Variants in SPTLC2 observed in about 807,000 individuals in gnomAD.
SPTLC2 encodes the protein serine palmitoyltransferase 2.
Under a neutral mutation model 62.0 loss-of-function variants are expected in SPTLC2, and 21 were observed. The observed-to-expected ratio is 0.34, with a 90% CI of 0.24 to 0.49. The LOEUF (loss-of-function observed/expected upper bound fraction) is 0.49, where lower values mean the gene tolerates loss of function less well. SPTLC2 is among the 20% of genes least tolerant of loss of function. The probability of loss-of-function intolerance (pLI) is 0.99; values close to 1 mark genes in which losing one functional copy is unlikely to be tolerated. For missense variants in SPTLC2, 511 were observed against 713.0 expected (o/e 0.72, Z 3.23); for synonymous variants, 261 against 261.8 (o/e 1.00, Z 0.03).
chr14:77,590,361 T>C (rs2079809178), intron 2 of SPTLC2, among the ~76,000 whole-genome samples: 1 of 152,192 alleles, frequency 6.6e-6, no homozygotes, highest in Non-Finnish European at 1.5e-5. Context: ...AAAAAGGTAA[T>C]AATCCTTGCC....
chr14:77,520,497 G>A (rs1369410707), intron 10 of SPTLC2, among the ~76,000 whole-genome samples: 1 of 152,182 alleles, frequency 6.6e-6, no homozygotes, highest in Admixed American at 6.5e-5. Context: ...AATCAAACTG[G>A]AGAAATGCTT....
chr14:77,558,011 G>A (rs1455814098), intron 6 of SPTLC2, among the ~76,000 whole-genome samples: 1 of 151,916 alleles, frequency 6.6e-6, no homozygotes, highest in African/African-American at 2.4e-5. Flanking sequence ...TTAAGTCTGG[G>A]GAATACTTAA....
chr14:77,589,143 TACTC>T (rs1387389089), intron 2 of SPTLC2, among the ~76,000 whole-genome samples: 7 of 150,918 alleles, frequency 4.6e-5, no homozygotes, highest in Non-Finnish European at 8.8e-5. Flanking sequence ...GTAGGTGAAA[TACTC>T]AATGAAAGGT....
chr14:77,614,915 G>A (rs2140070178), intron 1 of SPTLC2, among the ~76,000 whole-genome samples: 1 of 151,096 alleles, frequency 6.6e-6, no homozygotes, highest in Middle Eastern at 3.4e-3. Flanking sequence ...AGGCTGCAGT[G>A]AGCCGAGATC....
At chr14:77,610,651 A>G (rs987912072) in intron 1 of SPTLC2, among the ~76,000 whole-genome samples, 7 of 151,888 alleles carry the variant, frequency 4.6e-5, no homozygotes, top group Admixed American at 1.3e-4. Flanking sequence ...CGCATATTTC[A>G]CTGTACTTAG....
chr14:77,545,134 A>G (rs2140011891), intron 9 of SPTLC2, among the ~76,000 whole-genome samples: 1 of 152,306 alleles, frequency 6.6e-6, no homozygotes, highest in Admixed American at 6.5e-5. Flanking sequence ...CTCTACTGCC[A>G]AAGTAGATAG....
intron 11 of SPTLC2, among the ~76,000 whole-genome samples, chr14:77,514,842 T>G (rs1489379010): frequency 6.6e-6 from 1 of 152,244 alleles, no homozygotes; most frequent in African/African-American, 2.4e-5. Flanking sequence ...ACCAATCTAT[T>G]TTCTGACCCT....
At chr14:77,515,152 T>C (rs2079352371) in intron 11 of SPTLC2, among the ~76,000 whole-genome samples, 1 of 152,244 alleles carries the variant, frequency 6.6e-6, no homozygotes, top group Non-Finnish European at 1.5e-5. Context: ...TACTCGACTG[T>C]TGTAATTACT....
chr14:77,523,885 G>A (rs1222423861), intron 9 of SPTLC2, among the ~76,000 whole-genome samples: 2 of 152,146 alleles, frequency 1.3e-5, no homozygotes, highest in Admixed American at 6.6e-5. Flanking sequence ...AACTAGCAAT[G>A]TAAAATTAAT....
chr14:77,611,981 CTT>C (rs1301202724), intron 1 of SPTLC2, among the ~76,000 whole-genome samples: 1 of 152,134 alleles, frequency 6.6e-6, no homozygotes, highest in African/African-American at 2.4e-5. Flanking sequence ...TAAAGACAAA[CTT>C]AAGATAAATT....
At position 77,578,937 on chromosome 14, in the gene SPTLC2, T is replaced by C; in HGVS notation, c.482+18A>G. On this transcript the variant is annotated intron_variant, in intron 3 of 11. Coordinates refer to ENST00000216484, the MANE Select transcript of SPTLC2 (RefSeq NM_004863.4). Reference sequence around the variant, plus strand: ...CCTTTTGTAATTGTTGTCAAATAATTTCCCAACCAAGACTCACTTGAAGGA... The same window carrying C: ...CCTTTTGTAATTGTTGTCAAATAATCTCCCAACCAAGACTCACTTGAAGGA... 1.9e-6 allele frequency: 3 copies of C among 1,613,734 alleles called. No individual in the cohort carries two copies. In the South Asian group the frequency reaches 3.3e-5, roughly 18 times the overall value.
chr14:77,517,200 G>T (rs192746422), intron 11 of SPTLC2, among the ~76,000 whole-genome samples: 3 of 152,014 alleles, frequency 2.0e-5, no homozygotes, highest in Non-Finnish European at 4.4e-5. Context: ...CTGAGATCAC[G>T]CCATTGCACT....
intron 9 of SPTLC2, among the ~76,000 whole-genome samples, chr14:77,531,446 C>CCTCCTT (rs2079438453): frequency 9.6e-6 from 1 of 103,702 alleles, no homozygotes; most frequent in Non-Finnish European, 1.9e-5. Flanking sequence ...TTCTTCTTCT[C>CCTCCTT]CTCCTTCTCC....
chr14:77,601,856 G>C (rs1041238431), intron 1 of SPTLC2, among the ~76,000 whole-genome samples: 2 of 152,134 alleles, frequency 1.3e-5, no homozygotes, highest in African/African-American at 4.8e-5. Context: ...TAGAGACAAA[G>C]GAGACACATT....
chr14:77,545,850 A>G (rs975412456), intron 9 of SPTLC2, among the ~76,000 whole-genome samples: 1 of 152,242 alleles, frequency 6.6e-6, no homozygotes, highest in Admixed American at 6.5e-5. Flanking sequence ...TCTTGTTGCA[A>G]GAAACTTTTA....
At chr14:77,540,546 C>T (rs2079495527) in intron 9 of SPTLC2, among the ~76,000 whole-genome samples, 1 of 152,046 alleles carries the variant, frequency 6.6e-6, no homozygotes. Flanking sequence ...GTGATCTTGG[C>T]TTACTGCAAC....
intron 5 of SPTLC2, among the ~76,000 whole-genome samples, chr14:77,565,551 CACGG>C (rs1270697374): frequency 1.3e-5 from 2 of 152,142 alleles, no homozygotes; most frequent in African/African-American, 4.8e-5. Context: ...CTCAATAACG[CACGG>C]ACTCAATCAA....
rs778814968 is a variant in SPTLC2 at position 77,521,503 on chromosome 14, T to G, written c.1382A>C (p.Tyr461Ser). 1 of 1,614,104 alleles carries G rather than the reference T, an allele frequency of 6.2e-7. No homozygotes were observed. The highest frequency in any genetic ancestry group is 1.1e-5 in the South Asian group (1 of 91,066). Residue 461 changes from tyrosine to serine, a missense_variant, in exon 10 of 12, where the codon TAT (tyrosine) becomes TCT (serine). By Grantham distance (144) the Tyr-to-Ser change is moderately radical (BLOSUM62 -2). Transcript: ENST00000216484. ...RRLKEMGFII[Y>S]GNEDSPVVPL... ...CACTACTGGAGAGTCTTCATTTCCA[T>G]AGATGATGAAGCCCATCTCTTTCAG...
At chr14:77,570,757 G>A (rs1461430097) in intron 4 of SPTLC2, among the ~76,000 whole-genome samples, 2 of 152,136 alleles carry the variant, frequency 1.3e-5, no homozygotes, top group South Asian at 2.1e-4. Context: ...AGGGGGCTGC[G>A]AAAAATTTCT....
Sources: allele counts gnomAD v4.1 joint callset (sites outside exome capture counted in the v4.1 genomes callset), GRCh38; gene constraint gnomAD v4.1.1; transcripts MANE v1.5; gene names NCBI Gene and HGNC (gene_info 2026-07-23, HGNC 2026-07-21).